ABL1: variants seen among roughly 807,000 people sequenced by gnomAD.
ABL1 encodes the protein ABL proto-oncogene 1, non-receptor tyrosine kinase.
Under a neutral mutation model 94.7 loss-of-function variants are expected in ABL1, and 11 were observed. That is an observed-to-expected ratio of 0.12 (90% CI 0.07 to 0.19). The LOEUF is 0.19. Ranked by LOEUF, ABL1 falls within the 10% of genes least tolerant of loss-of-function variation. The probability of loss-of-function intolerance (pLI) is 1.00; values close to 1 mark genes in which losing one functional copy is unlikely to be tolerated. For synonymous variants in ABL1, 656 were observed against 622.4 expected (o/e 1.05, Z -0.80); for missense variants, 1,082 against 1,489.4 (o/e 0.73, Z 4.50).
intron 1 of ABL1, among the ~76,000 whole-genome samples, chr9:130,786,507 C>G (rs761952719): frequency 2.6e-5 from 4 of 152,092 alleles, no homozygotes; most frequent in African/African-American, 9.7e-5. Flanking sequence ...TTAAATTTTC[C>G]CTATTGAAAT....
intron 1 of ABL1, among the ~76,000 whole-genome samples, chr9:130,825,845 G>A (rs1184972647): frequency 6.6e-6 from 1 of 152,202 alleles, no homozygotes; most frequent in African/African-American, 2.4e-5. Context: ...GTACAGTGTT[G>A]TAACTGGATT....
At chr9:130,776,044 T>G (rs917737034) in intron 1 of ABL1, among the ~76,000 whole-genome samples, 1 of 152,176 alleles carries the variant, frequency 6.6e-6, no homozygotes, top group Non-Finnish European at 1.5e-5. Flanking sequence ...TCCAGCACGG[T>G]CTCACAAAGG....
upstream of ABL1, among the ~76,000 whole-genome samples, chr9:130,831,061 G>A (rs1198196020): frequency 6.6e-6 from 1 of 152,218 alleles, no homozygotes; most frequent in East Asian, 1.9e-4. Flanking sequence ...CAGAGCTAGA[G>A]TACCTGGCAG....
At position 130,730,077 on chromosome 9, in the gene ABL1, CT is replaced by C. The variant is rs571082097; in HGVS notation, c.136+15624del. Among the ~76,000 whole-genome samples, 310 of 95,340 alleles carry C rather than the reference CT, an allele frequency of 3.3e-3. 3 individuals carry two copies. Among genetic ancestry groups the C allele is most frequent in the Non-Finnish European group, 4.5e-3 (227 of 49,964 alleles). The allele number at this position is 95,340 out of a possible 152,430, so 62.5% of individuals were successfully genotyped here. ...TTTTTTTTTGAGATGGAATTCTGCTCTTGTTGCCCACGCTGGAGTGCAATGG... is the reference window on the plus strand; with the variant it reads ...TTTTTTTTTGAGATGGAATTCTGCTCTGTTGCCCACGCTGGAGTGCAATGG... On this transcript the variant is annotated intron_variant, in intron 1 of 10. Transcript: ENST00000372348.
chr9:130,771,090 T>A (rs1478525274), intron 1 of ABL1, among the ~76,000 whole-genome samples: 1 of 152,220 alleles, frequency 6.6e-6, no homozygotes, highest in Non-Finnish European at 1.5e-5. Context: ...GTATATAACA[T>A]CCTATTGGGA....
chr9:130,760,803 C>CA (rs1194126266), intron 1 of ABL1, among the ~76,000 whole-genome samples: 1 of 151,424 alleles, frequency 6.6e-6, no homozygotes, highest in Non-Finnish European at 1.5e-5. Flanking sequence ...GCTGGGACTA[C>CA]AGGCACGGGC....
intron 1 of ABL1, among the ~76,000 whole-genome samples, chr9:130,759,535 T>C (rs1832083930): frequency 6.6e-6 from 1 of 152,222 alleles, no homozygotes; most frequent in Admixed American, 6.5e-5. Flanking sequence ...CAGCAAGGAA[T>C]AAGTCATTAG....
intron 1 of ABL1, among the ~76,000 whole-genome samples, chr9:130,731,817 CTGAT>C (rs942727093): frequency 1.4e-3 from 211 of 152,120 alleles, no homozygotes; most frequent in African/African-American, 5.0e-3. Context: ...ATTTTCTTCT[CTGAT>C]TGCACTAAAT....
chr9:130,874,005 T>A lies in ABL1; in HGVS notation c.1086-863T>A, dbSNP rs554319621. Among the ~76,000 whole-genome samples, 10 of 152,352 alleles carry A rather than the reference T, an allele frequency of 6.6e-5. No individual in the cohort carries two copies. The South Asian group carries it at 2.1e-3, about 32-fold the overall frequency. ...AAATTGAGATTGCTTGACTTCTGGT[T>A]TGCCTGGCACGGCCGGGTCCGTTCC... On this transcript the variant is annotated intron_variant, in intron 6 of 10. Coordinates refer to ENST00000318560, the MANE Select transcript of ABL1 (RefSeq NM_005157.6).
At chr9:130,856,510 C>T (rs1830978226) in intron 3 of ABL1, among the ~76,000 whole-genome samples, 1 of 152,212 alleles carries the variant, frequency 6.6e-6, no homozygotes, top group African/African-American at 2.4e-5. Flanking sequence ...GCACGAGCCA[C>T]TGTGCCCAGC....
chr9:130,885,546 G>T lies in ABL1; in HGVS notation c.3256G>T (p.Ala1086Ser). 1.2e-6 allele frequency: 2 copies of T among 1,614,148 alleles called. No homozygotes were observed. The highest frequency in any genetic ancestry group is 1.7e-6 in the Non-Finnish European group (2 of 1,180,042). Residue 1086 changes from alanine to serine, a missense_variant, in exon 11 of 11, where the codon GCC becomes TCC. Around this residue, in one of 7 missense-constraint regions of ABL1, gnomAD observed 780 missense variants for 835.8 expected, o/e 0.93. Coordinates refer to ENST00000318560, the MANE Select transcript of ABL1 (RefSeq NM_005157.6). ...GAGGAACAAGTTTGCCTTCCGAGAG[G>T]CCATCAACAAACTGGAGAATAATCT... ...QMRNKFAFRE[A>S]INKLENNLRE...
intron 1 of ABL1, among the ~76,000 whole-genome samples, chr9:130,737,987 C>T (rs10120335): frequency 0.22 from 32,808 of 151,870 alleles, 4,532 homozygotes; most frequent in East Asian, 0.52. Flanking sequence ...TGCACCGCCA[C>T]ACCCAGCTAA....
intron 1 of ABL1, among the ~76,000 whole-genome samples, chr9:130,765,615 C>T (rs1384131762): frequency 6.6e-6 from 1 of 152,048 alleles, no homozygotes; most frequent in Non-Finnish European, 1.5e-5. Context: ...CGTCAGTGTA[C>T]CTGAGTGTTA....
chr9:130,880,760 G>C lies in ABL1; in HGVS notation c.1678+96G>C. 7.0e-7 allele frequency: 1 copy of C among 1,434,868 alleles called. No individual in the cohort carries two copies. Among genetic ancestry groups the C allele is most frequent in the South Asian group, 1.3e-5 (1 of 74,788 alleles). The allele number at this position is 1,434,868 out of a possible 1,614,324, so 88.9% of individuals were successfully genotyped here. A position where few individuals can be genotyped will look rare whatever the true frequency, so the allele number is the denominator to read the frequency against. Reference sequence around the variant, plus strand: ...AGGCCAACGGGAAGCTGTGAATGGAGCCCGCACAGAAGGGCAGCCATGGCC... The same window carrying C: ...AGGCCAACGGGAAGCTGTGAATGGACCCCGCACAGAAGGGCAGCCATGGCC... On this transcript the variant is annotated intron_variant, in intron 10 of 10. Transcript: ENST00000318560. The surrounding 1 kb of genome is among the most constrained non-coding windows in gnomAD (Gnocchi z 4.4).
At chr9:130,727,764 A>C (rs12340665) in intron 1 of ABL1, among the ~76,000 whole-genome samples, 17,443 of 87,382 alleles carry the variant, frequency 0.2, 2,928 homozygotes, top group East Asian at 0.5. Flanking sequence ...CCCCCCCCCC[A>C]AAAAAAAGCA....
intron 1 of ABL1, among the ~76,000 whole-genome samples, chr9:130,754,713 G>A (rs1832021212): frequency 6.6e-6 from 1 of 151,962 alleles, no homozygotes; most frequent in Non-Finnish European, 1.5e-5. Context: ...GGTCATTGGA[G>A]GTATTAAAGG....
At chr9:130,771,732 TTTTCTTTC>T (rs373455783) in intron 1 of ABL1, among the ~76,000 whole-genome samples, 1 of 119,718 alleles carries the variant, frequency 8.4e-6, no homozygotes, top group African/African-American at 3.4e-5. Context: ...TCAAATGACT[TTTTCTTTC>T]TTTCTTTCTT....
intron 1 of ABL1, among the ~76,000 whole-genome samples, chr9:130,728,064 TTTTG>T (rs1433955532): frequency 3.3e-5 from 5 of 151,992 alleles, no homozygotes; most frequent in South Asian, 2.1e-4. Context: ...TTGCCTCTTT[TTTTG>T]TTTGTTTGTT....
intron 1 of ABL1, among the ~76,000 whole-genome samples, chr9:130,804,042 C>CT (rs1258258415): frequency 1.3e-5 from 2 of 151,220 alleles, no homozygotes; most frequent in Non-Finnish European, 2.9e-5. Flanking sequence ...GCCCAAGAGA[C>CT]TGAGTGAGAC....
Sources: gnomAD v4.1 joint callset for allele counts (sites outside exome capture counted in the v4.1 genomes callset) on GRCh38, gnomAD v4.1.1 for gene constraint, gnomAD v4.1.1 regional missense constraint, Gnocchi (gnomAD v3.1) non-coding constraint, MANE v1.5 for transcripts, NCBI Gene and HGNC (gene_info 2026-07-23, HGNC 2026-07-21) for gene names.